The following MAN1A1 variants were observed in gnomAD, a reference collection of about 807,000 sequenced individuals.
MAN1A1 encodes mannosyl-oligosaccharide 1,2-alpha-mannosidase IA.
Under a neutral mutation model 70.8 loss-of-function variants are expected in MAN1A1, and 29 were observed. The observed-to-expected ratio is 0.41, with a 90% CI of 0.31 to 0.56. The LOEUF is 0.56. Ranked by LOEUF, MAN1A1 falls within the 20% of genes least tolerant of loss-of-function variation. The pLI is 0.29. For synonymous variants in MAN1A1, 349 were observed against 330.1 expected (o/e 1.06, Z -0.62); for missense variants, 747 against 841.3 (o/e 0.89, Z 1.39).
intron 6 of MAN1A1, among the ~76,000 whole-genome samples, chr6:119,211,968 A>AC (rs1774065470): frequency 6.6e-6 from 1 of 151,272 alleles, no homozygotes; most frequent in Non-Finnish European, 1.5e-5. Flanking sequence ...CAGCCTCCTG[A>AC]GTAGCTGGGA....
At chr6:119,293,369 C>T (rs564703950) in intron 4 of MAN1A1, among the ~76,000 whole-genome samples, 46 of 152,056 alleles carry the variant, frequency 3.0e-4, no homozygotes, top group Non-Finnish European at 1.5e-4. Context: ...AATGACCCTG[C>T]AAGGTGCCAT....
intron 5 of MAN1A1, among the ~76,000 whole-genome samples, chr6:119,277,901 C>A (rs1322962285): frequency 5.2e-5 from 7 of 135,412 alleles, no homozygotes; most frequent in African/African-American, 2.0e-4. Flanking sequence ...TGCACAACTG[C>A]ACTCCAGCCT....
intron 2 of MAN1A1, among the ~76,000 whole-genome samples, chr6:119,327,939 G>GTTGGCAAGT (rs1311565683): frequency 2.0e-5 from 3 of 152,154 alleles, no homozygotes; most frequent in Non-Finnish European, 4.4e-5. Context: ...TAGTTCTACA[G>GTTGGCAAGT]TTGGCAAGGA....
Position 119,348,564 on chromosome 6 carries a change from A to C in MAN1A1, c.502T>G (p.Phe168Val). ...AAGTCCACCGGGGGCAGGCCTCTGA[A>C]CGGCGCCTTGTCACGCAGCTGGTCC... is the stretch of plus-strand genomic sequence containing the variant. ...AQDQLRDKAPFRGLPPVDFVP... is the reference protein window; with the variant it reads ...AQDQLRDKAPVRGLPPVDFVP... Residue 168 changes from phenylalanine (F) to valine (V), a missense_variant, in exon 2 of 13, where the codon TTC (phenylalanine) becomes GTC (valine). Phe to Val is a conservative substitution (Grantham distance 50). Transcript: ENST00000368468. 1 of 1,613,620 alleles carries C rather than the reference A, an allele frequency of 6.2e-7. No homozygotes were observed. Among genetic ancestry groups the C allele is most frequent in the Non-Finnish European group, 8.5e-7 (1 of 1,179,828 alleles).
chr6:119,222,686 T>C (rs2114260361), intron 6 of MAN1A1, among the ~76,000 whole-genome samples: 1 of 152,320 alleles, frequency 6.6e-6, no homozygotes, highest in African/African-American at 2.4e-5. Flanking sequence ...ATTTTCACAT[T>C]AGCACAGAGA....
chr6:119,226,126 C>CT (rs1442604520), intron 6 of MAN1A1, among the ~76,000 whole-genome samples: 2 of 152,228 alleles, frequency 1.3e-5, no homozygotes, highest in Non-Finnish European at 2.9e-5. Flanking sequence ...ATTGTAATCC[C>CT]TAGAGCAGCC....
intron 6 of MAN1A1, among the ~76,000 whole-genome samples, chr6:119,207,216 A>T (rs1773887028): frequency 6.6e-6 from 1 of 152,138 alleles, no homozygotes; most frequent in Admixed American, 6.6e-5. Flanking sequence ...TTCATATCAG[A>T]AGGAAAATGG....
At chr6:119,205,278 G>C (rs1773829543) in intron 6 of MAN1A1, among the ~76,000 whole-genome samples, 1 of 152,254 alleles carries the variant, frequency 6.6e-6, no homozygotes, top group Admixed American at 6.5e-5. Flanking sequence ...AGAGACCAAG[G>C]AATTTTGGAC....
At chr6:119,213,665 A>G (rs1774113098) in intron 6 of MAN1A1, among the ~76,000 whole-genome samples, 1 of 152,228 alleles carries the variant, frequency 6.6e-6, no homozygotes, top group Non-Finnish European at 1.5e-5. Flanking sequence ...CTAAAGGCAG[A>G]AAAACAATTC....
At chr6:119,253,883 C>A (rs971505965) in intron 5 of MAN1A1, among the ~76,000 whole-genome samples, 1 of 152,126 alleles carries the variant, frequency 6.6e-6, no homozygotes, top group African/African-American at 2.4e-5. Flanking sequence ...AGAGTCTCAA[C>A]CTTTGGCACA....
rs57606082 is a variant in MAN1A1 at position 119,308,000 on chromosome 6, C to T, written c.604-1008G>A. Among the ~76,000 whole-genome samples, 895 of 152,260 alleles carry T rather than the reference C, an allele frequency of 5.9e-3. 30 individuals carry two copies. In the East Asian group the frequency reaches 0.09, roughly 15 times the overall value. The stretch of plus-strand genomic sequence containing the variant: ...GCATCTTTAACCAACTTGTAAATTA[C>T]CTTCCTAACTCACCACTATTACTAC... On this transcript the variant is annotated intron_variant, in intron 2 of 12. Transcript: ENST00000368468.
chr6:119,315,145 G>A (rs1385793107), intron 2 of MAN1A1, among the ~76,000 whole-genome samples: 1 of 152,170 alleles, frequency 6.6e-6, no homozygotes. Context: ...TCTACTGAGT[G>A]GAGAATATAT....
At chr6:119,287,240 C>T (rs889002988) in intron 5 of MAN1A1, among the ~76,000 whole-genome samples, 2 of 152,094 alleles carry the variant, frequency 1.3e-5, no homozygotes, top group Non-Finnish European at 2.9e-5. Context: ...TCCCCTATGC[C>T]AACTTGACAC....
intron 5 of MAN1A1, among the ~76,000 whole-genome samples, chr6:119,253,747 T>G (rs571866936): frequency 1.5e-4 from 23 of 152,212 alleles, no homozygotes; most frequent in African/African-American, 5.5e-4. Context: ...ACAACTACTT[T>G]TGCATCAACC....
At chr6:119,350,379 G>T, upstream of MAN1A1, 1 of 248,270 alleles carries the variant, frequency 4.0e-6, no homozygotes, top group Non-Finnish European at 6.4e-6. Flanking sequence ...TGAGCTCTCT[G>T]GTATAACATC....
At chr6:119,280,239 C>G (rs1776194725) in intron 5 of MAN1A1, among the ~76,000 whole-genome samples, 1 of 152,170 alleles carries the variant, frequency 6.6e-6, no homozygotes, top group Non-Finnish European at 1.5e-5. Context: ...TGCTTGAGAT[C>G]TCTAATGTCT....
intron 6 of MAN1A1, among the ~76,000 whole-genome samples, chr6:119,212,474 A>G (rs1208937630): frequency 6.6e-6 from 1 of 152,214 alleles, no homozygotes; most frequent in East Asian, 1.9e-4. Flanking sequence ...CCAGTCAGTC[A>G]GGCATAATTT....
intron 2 of MAN1A1, among the ~76,000 whole-genome samples, chr6:119,322,378 G>T (rs1562241856): frequency 6.6e-6 from 1 of 152,040 alleles, no homozygotes; most frequent in South Asian, 2.1e-4. Context: ...ACTATGATAT[G>T]CCTTGCCAGT....
intron 5 of MAN1A1, among the ~76,000 whole-genome samples, chr6:119,252,906 T>C (rs1184638822): frequency 6.6e-6 from 1 of 152,164 alleles, no homozygotes; most frequent in Non-Finnish European, 1.5e-5. Context: ...CCATTGAAGC[T>C]GATCCTCTTA....
Sources: allele counts gnomAD v4.1 joint callset (sites outside exome capture counted in the v4.1 genomes callset), GRCh38; gene constraint gnomAD v4.1.1; transcripts MANE v1.5; gene names NCBI Gene and HGNC (gene_info 2026-07-23, HGNC 2026-07-21).